Variants in VAV2 observed in about 807,000 individuals in gnomAD.
VAV2 encodes the protein guanine nucleotide exchange factor VAV2.
A neutral mutation model predicts 132.5 loss-of-function variants in VAV2; 67 were observed. That is an observed-to-expected ratio of 0.51 (90% CI 0.42 to 0.62). VAV2 has a LOEUF of 0.62. VAV2 is among the 20% of genes least tolerant of loss of function. The pLI is 0.00. For synonymous variants in VAV2, 492 were observed against 443.5 expected (o/e 1.11, Z -1.37); for missense variants, 938 against 1,153.6 (o/e 0.81, Z 2.71).
chr9:133,807,189 G>A (rs1343468138), intron 8 of VAV2, 69 bp downstream of exon 8: 1 of 1,539,512 alleles, frequency 6.5e-7, no homozygotes, highest in African/African-American at 1.4e-5. Context: ...GAGGACAGCA[G>A]GACATGTGTG....
chr9:133,823,703 G>A lies in VAV2; in HGVS notation c.449+10569C>T, dbSNP rs1451067254. 6.6e-6 allele frequency among the ~76,000 whole-genome samples: 1 copy of A among 152,172 alleles called. No individual in the cohort carries two copies. The highest frequency in any genetic ancestry group is 1.5e-5 in the Non-Finnish European group (1 of 68,032). On this transcript the variant is annotated intron_variant, in intron 4 of 29. Coordinates refer to ENST00000371850, the MANE Select transcript of VAV2 (RefSeq NM_001134398.2). The surrounding 1 kb of genome is among the most constrained non-coding windows in gnomAD (Gnocchi z 5.5). ...TCCTGGAAAATGGCAAGATGAATGC[G>A]TATGTCTTTAAAGCTGCCCTTCTGC...
In VAV2 at chr9:133,826,548, C is replaced by T. The variant is rs539134842; in HGVS notation, c.449+7724G>A. On this transcript the variant is annotated intron_variant, in intron 4 of 29. Coordinates refer to ENST00000371850, the MANE Select transcript of VAV2 (RefSeq NM_001134398.2). The surrounding 1 kb of genome is among the most constrained non-coding windows in gnomAD (Gnocchi z 4.2). ...TGTGAGGTTGCAGGACCCTGCTCTG[C>T]AGACAAGGATGCTCCTGGTGGGGCA... 5.2e-4 allele frequency among the ~76,000 whole-genome samples: 79 copies of T among 152,286 alleles called. No individual in the cohort carries two copies. Among genetic ancestry groups the T allele is most frequent in the African/African-American group, 1.9e-3 (77 of 41,558 alleles).
chr9:133,797,211 G>C (rs181075541), intron 10 of VAV2, among the ~76,000 whole-genome samples: 2 of 152,300 alleles, frequency 1.3e-5, no homozygotes, highest in East Asian at 3.9e-4. Flanking sequence ...CTGGGCCTGG[G>C]GTGAGGATGG....
At chr9:133,820,620 C>T (rs977878754) in intron 4 of VAV2, among the ~76,000 whole-genome samples, 7 of 152,040 alleles carry the variant, frequency 4.6e-5, no homozygotes, top group East Asian at 1.9e-4. Context: ...CCACCGCGCC[C>T]GGCCTCCATA....
intron 2 of VAV2, among the ~76,000 whole-genome samples, chr9:133,877,452 C>G (rs922064237): frequency 1.3e-5 from 2 of 152,176 alleles, no homozygotes; most frequent in Admixed American, 6.5e-5. Context: ...GTGACACGTT[C>G]GGCTCTGGGC....
At chr9:133,960,396 G>A (rs1196139805) in intron 1 of VAV2, among the ~76,000 whole-genome samples, 1 of 151,996 alleles carries the variant, frequency 6.6e-6, no homozygotes, top group Non-Finnish European at 1.5e-5. Context: ...CAGAGGCCCA[G>A]GGGAGCTGGG....
At chr9:133,871,084 G>A (rs1057051834) in intron 2 of VAV2, among the ~76,000 whole-genome samples, 4 of 149,004 alleles carry the variant, frequency 2.7e-5, no homozygotes, top group African/African-American at 9.9e-5. Context: ...GGATAAATGC[G>A]TGGGTGGGTG....
rs79236591 is a variant in VAV2 at position 133,940,187 on chromosome 9, G to A, written c.205-968C>T. On this transcript the variant is annotated intron_variant, in intron 1 of 29. Transcript: ENST00000371850. Reference sequence around the variant, plus strand: ...GTTTTCTACCGCCACCTGCCTCACGGGATTAATCATGTGCCCTGATGACCA... The same window carrying A: ...GTTTTCTACCGCCACCTGCCTCACGAGATTAATCATGTGCCCTGATGACCA... 8.4e-3 allele frequency among the ~76,000 whole-genome samples: 1,284 copies of A among 152,300 alleles called. 17 individuals carry two copies. The highest frequency in any genetic ancestry group is 0.028 in the African/African-American group (1,153 of 41,560).
chr9:133,788,482 A>G lies in VAV2; in HGVS notation c.1279T>C (p.Leu427=). 1 of 1,608,370 alleles carries G rather than the reference A, an allele frequency of 6.2e-7. No individual in the cohort carries two copies. The highest frequency in any genetic ancestry group is 8.5e-7 in the Non-Finnish European group (1 of 1,175,364). Residue 427 remains leucine (L), a synonymous_variant, in exon 15 of 30, where the codon TTG becomes CTG. Coordinates refer to ENST00000371850, the MANE Select transcript of VAV2 (RefSeq NM_001134398.2). This position sits in a 1 kb window ranked among gnomAD's most constrained non-coding sequence, Gnocchi z 5.3. ...ATGACCACCTTGTCAAACAGGAACA[A>G]GTACCTGGGCCAGGCAGCGCAGCGG... The part of the protein sequence containing the change: ...IVNHTKQDRY[L]FLFDKVVIVC...
chr9:133,858,381 G>A, intron 3 of VAV2, among the ~76,000 whole-genome samples: 1 of 152,216 alleles, frequency 6.6e-6, no homozygotes, highest in Middle Eastern at 3.2e-3. Flanking sequence ...TGCCACACAT[G>A]CCGACTGTCA....
intron 2 of VAV2, among the ~76,000 whole-genome samples, chr9:133,876,866 G>T (rs989061048): frequency 6.6e-6 from 1 of 152,160 alleles, no homozygotes; most frequent in Non-Finnish European, 1.5e-5. Context: ...TTTCTGCCAG[G>T]AGACACAGAA....
At chr9:133,793,793 G>A (rs1466001899) in intron 12 of VAV2, among the ~76,000 whole-genome samples, 1 of 152,158 alleles carries the variant, frequency 6.6e-6, no homozygotes, top group African/African-American at 2.4e-5. Context: ...CGGCACGGGG[G>A]CTGATTCTCA....
In VAV2 at chr9:133,785,893, G is replaced by T. The variant is rs778717963; in HGVS notation, c.1423-8C>A. The T allele has an allele frequency of 2.5e-6, 4 of 1,611,646 alleles. No individual in the cohort carries two copies. The highest frequency in any genetic ancestry group is 1.7e-4 in the Middle Eastern group (1 of 6,010). ...GTAGAAGCCGTAGGACCACTGCAGGGGGGAGAGGGGCCATGCTTGCAATAG... is the reference window on the plus strand; with the variant it reads ...GTAGAAGCCGTAGGACCACTGCAGGTGGGAGAGGGGCCATGCTTGCAATAG... On this transcript the variant is annotated splice_region_variant and splice_polypyrimidine_tract_variant and intron_variant, in intron 16 of 29. Coordinates refer to ENST00000371850, the MANE Select transcript of VAV2 (RefSeq NM_001134398.2).
intron 9 of VAV2, among the ~76,000 whole-genome samples, chr9:133,799,981 C>T (rs776321264): frequency 3.3e-5 from 5 of 152,336 alleles, no homozygotes; most frequent in East Asian, 3.9e-4. Context: ...GCAGAAGACA[C>T]GCCACACACA....
At chr9:133,808,333 C>T (rs1200598773) in intron 7 of VAV2, among the ~76,000 whole-genome samples, 1 of 152,206 alleles carries the variant, frequency 6.6e-6, no homozygotes, top group Non-Finnish European at 1.5e-5. Flanking sequence ...AGGGGGCAGC[C>T]CAGGTCTCCC....
rs539089521 is a variant in VAV2 at position 133,763,900 on chromosome 9, C to T, written c.*162G>A. 20 of 822,642 alleles carry T rather than the reference C, an allele frequency of 2.4e-5. No individual in the cohort carries two copies. In the East Asian group the frequency reaches 5.3e-4, roughly 22 times the overall value. The allele number at this position is 822,642 out of a possible 1,614,324, so 51.0% of individuals were successfully genotyped here. On this transcript the variant is annotated 3_prime_UTR_variant, in exon 30 of 30. Transcript: ENST00000371850. The surrounding 1 kb of genome is among the most constrained non-coding windows in gnomAD (Gnocchi z 6.8). ...CGCCGAGGGCAGGCTGACAGTGAAACGGTTCGAGTTTAGGATTCTCAACAC... is the reference window on the plus strand; with the variant it reads ...CGCCGAGGGCAGGCTGACAGTGAAATGGTTCGAGTTTAGGATTCTCAACAC...
At chr9:133,838,455 G>C (rs1274474574) in intron 3 of VAV2, among the ~76,000 whole-genome samples, 1 of 108,294 alleles carries the variant, frequency 9.2e-6, no homozygotes, top group Non-Finnish European at 1.8e-5. Context: ...GGGTGGGTAA[G>C]TAGGTGGGTG....
intron 1 of VAV2, among the ~76,000 whole-genome samples, chr9:133,976,205 CA>C (rs879835849): frequency 7.3e-4 from 105 of 143,364 alleles, no homozygotes; most frequent in East Asian, 3.8e-3. Context: ...GATTCCATTT[CA>C]AAAAAAAAAA....
At position 133,870,444 on chromosome 9, in the gene VAV2, G is replaced by A. The variant is rs1412354479; in HGVS notation, c.322-9012C>T. Among the ~76,000 whole-genome samples, 12 of 152,292 alleles carry A rather than the reference G, an allele frequency of 7.9e-5. No homozygotes were observed. In the East Asian group the frequency reaches 2.1e-3, roughly 27 times the overall value. ...AAAGTCATTTAGAAGGAAAGAAAAA[G>A]GTGAGAGCAACTTCTCTGTAAATGA... is the stretch of plus-strand genomic sequence containing the variant. On this transcript the variant is annotated intron_variant, in intron 2 of 29. Transcript: ENST00000371850.
Sources: allele counts gnomAD v4.1 joint callset (sites outside exome capture counted in the v4.1 genomes callset), GRCh38; gene constraint gnomAD v4.1.1; non-coding constraint Gnocchi (gnomAD v3.1); transcripts MANE v1.5; gene names NCBI Gene and HGNC (gene_info 2026-07-23, HGNC 2026-07-21).